PDE8B: variants seen among roughly 807,000 people sequenced by gnomAD.
PDE8B encodes high affinity cAMP-specific and IBMX-insensitive 3',5'-cyclic phosphodiesterase 8B.
PDE8B carries 26 observed loss-of-function variants against 101.3 expected under a neutral mutation model. The ratio of observed to expected loss-of-function variants is 0.26; its 90% CI spans 0.19 to 0.36. PDE8B has a LOEUF of 0.36. Among genes scored for constraint, PDE8B ranks in the 10% least tolerant of loss-of-function variants. PDE8B has a pLI of 1.00. For synonymous variants in PDE8B, 424 were observed against 429.3 expected (o/e 0.99, Z 0.15); for missense variants, 810 against 1,163.1 (o/e 0.70, Z 4.42).
At chr5:77,248,640 G>A (rs564837179) in intron 1 of PDE8B, among the ~76,000 whole-genome samples, 69 of 152,228 alleles carry the variant, frequency 4.5e-4, no homozygotes, top group African/African-American at 1.6e-3. Context: ...TGCAGAATCC[G>A]GCTTGTCTCT....
At chr5:77,209,216 A>AG (rs966807350), upstream of PDE8B, among the ~76,000 whole-genome samples, 8 of 152,314 alleles carry the variant, frequency 5.3e-5, no homozygotes, top group African/African-American at 1.9e-4. Context: ...AGAGAAGCAA[A>AG]GGTAGAAGAA....
chr5:77,096,032 G>A, the PDE8B span, among the ~76,000 whole-genome samples: 11 of 151,832 alleles, frequency 7.2e-5, no homozygotes, highest in Admixed American at 1.3e-4. Flanking sequence ...ACTGTGTTGC[G>A]CAGGCTGGAG....
chr5:77,344,823 G>A (rs1210229485), intron 6 of PDE8B, 30 bp from the exon 7 acceptor site: 2 of 1,360,342 alleles, frequency 1.5e-6, no homozygotes, highest in Non-Finnish European at 2.1e-6. Flanking sequence ...TTTCATAGAA[G>A]AACTAACTTC....
At chr5:77,241,776 T>C (rs1305620023) in intron 1 of PDE8B, among the ~76,000 whole-genome samples, 1 of 152,248 alleles carries the variant, frequency 6.6e-6, no homozygotes, top group East Asian at 1.9e-4. Flanking sequence ...GCTGCATTGA[T>C]TTGCTAAAGA....
chr5:77,232,615 C>T (rs1042992413), intron 1 of PDE8B, among the ~76,000 whole-genome samples: 3 of 152,240 alleles, frequency 2.0e-5, no homozygotes, highest in Non-Finnish European at 4.4e-5. Flanking sequence ...AATATACCAA[C>T]TTGAAATGTT....
At chr5:77,131,656 C>G in the PDE8B span, among the ~76,000 whole-genome samples, 1 of 152,072 alleles carries the variant, frequency 6.6e-6, no homozygotes, top group Non-Finnish European at 1.5e-5. Context: ...CTTCTTTAAG[C>G]AAAAGAATAA....
chr5:77,420,660 C>T, intron 19 of PDE8B, among the ~76,000 whole-genome samples: 1 of 152,256 alleles, frequency 6.6e-6, no homozygotes, highest in Non-Finnish European at 1.5e-5. Context: ...GTCTACCTCA[C>T]CTATTTAAGC....
At chr5:77,290,669 G>A (rs1767094438) in intron 1 of PDE8B, 1 of 1,506,644 alleles carries the variant, frequency 6.6e-7, no homozygotes, top group African/African-American at 1.4e-5. Flanking sequence ...GTTTATCAAG[G>A]ATGATTGGAG....
chr5:77,341,431 A>G (rs923015206), intron 6 of PDE8B, among the ~76,000 whole-genome samples: 2 of 152,252 alleles, frequency 1.3e-5, no homozygotes, highest in Non-Finnish European at 2.9e-5. Flanking sequence ...ATCTAAGATC[A>G]TGTATAAAGG....
rs544688736 is a variant in PDE8B at position 77,408,771 on chromosome 5, C to G, written c.1366-122C>G. ...AGGAAGAAGGGCGGTGCCGTGAAAG[C>G]ACTGGTCATTTTGAATAAGAGATGG... On this transcript the variant is annotated intron_variant, in intron 13 of 21. Coordinates refer to ENST00000264917, the MANE Select transcript of PDE8B (RefSeq NM_003719.5). The G allele has an allele frequency of 3.4e-5, 28 of 814,266 alleles. No homozygotes were observed. In the African/African-American group the frequency reaches 4.7e-4, roughly 14 times the overall value. The allele number at this position is 814,266 out of a possible 1,614,324, so 50.4% of individuals were successfully genotyped here. A position where few individuals can be genotyped will look rare whatever the true frequency, so the allele number is the denominator to read the frequency against.
intron 2 of PDE8B, among the ~76,000 whole-genome samples, chr5:77,325,336 T>A (rs1199769004): frequency 6.6e-6 from 1 of 152,094 alleles, no homozygotes; most frequent in Non-Finnish European, 1.5e-5. Context: ...CCTGGCTAAT[T>A]TTTTTGTATT....
rs35776739 is a variant in PDE8B at position 77,335,532 on chromosome 5, GGTGTGT to G, written c.709-1667_709-1662del. 1.8e-3 allele frequency among the ~76,000 whole-genome samples: 263 copies of G among 145,676 alleles called. 2 individuals carry two copies. Among genetic ancestry groups the G allele is most frequent in the African/African-American group, 6.4e-3 (251 of 39,126 alleles). On this transcript the variant is annotated intron_variant, in intron 5 of 21. Coordinates refer to ENST00000264917, the MANE Select transcript of PDE8B (RefSeq NM_003719.5). The stretch of plus-strand genomic sequence containing the variant: ...GCCAACCACTCCAGTGTATATGTGG[GGTGTGT>G]GTGTGTGTGTGTGTGTGTGTGTGTG...
chr5:77,357,336 C>T (rs1050623314), intron 10 of PDE8B, among the ~76,000 whole-genome samples: 26 of 152,196 alleles, frequency 1.7e-4, no homozygotes, highest in Non-Finnish European at 3.4e-4. Context: ...AGAGACCACA[C>T]ATGCTTAGAA....
At chr5:77,291,872 T>A (rs1054267453) in intron 1 of PDE8B, 230 of 1,398,630 alleles carry the variant, frequency 1.6e-4, no homozygotes, top group Middle Eastern at 4.9e-4. Flanking sequence ...ACAAAGAAAA[T>A]TAAAGTTTTC....
rs193020652 is a variant in PDE8B, at chr5:77,252,588, C to T, written c.339+41324C>T. 9.2e-4 allele frequency among the ~76,000 whole-genome samples: 140 copies of T among 152,236 alleles called. 2 individuals carry two copies. Among genetic ancestry groups the T allele is most frequent in the Admixed American group, 9.1e-3 (139 of 15,282 alleles). On this transcript the variant is annotated intron_variant, in intron 1 of 21. Transcript: ENST00000264917. ...GACTTTGATACAAGAAGATTGGTTG[C>T]CCTATTATGTCTGTTGCTGTTTGTT...
At chr5:77,297,390 T>C (rs1580865260) in intron 1 of PDE8B, among the ~76,000 whole-genome samples, 1 of 152,196 alleles carries the variant, frequency 6.6e-6, no homozygotes, top group Admixed American at 6.5e-5. Flanking sequence ...TCCCAAACTT[T>C]AGCAAGCATC....
rs538390019 is a variant in PDE8B at position 77,316,243 on chromosome 5, A to G, written c.399+4190A>G. On this transcript the variant is annotated intron_variant, in intron 2 of 21. Coordinates refer to ENST00000264917, the MANE Select transcript of PDE8B (RefSeq NM_003719.5). ...TGGTTACCCTGAAATTATTATTACT[A>G]TTATTATTGAGACAAAGTCTTGTTC... 7.9e-5 allele frequency among the ~76,000 whole-genome samples: 12 copies of G among 152,048 alleles called. No individual in the cohort carries two copies. In the East Asian group the frequency reaches 2.1e-3, roughly 27 times the overall value.
chr5:77,152,317 G>A, the PDE8B span, among the ~76,000 whole-genome samples: 1 of 152,214 alleles, frequency 6.6e-6, no homozygotes, highest in Non-Finnish European at 1.5e-5. Flanking sequence ...CCTGACTTGA[G>A]TTCGCAATGA....
the PDE8B span, among the ~76,000 whole-genome samples, chr5:77,188,489 G>A: frequency 6.6e-6 from 1 of 152,132 alleles, no homozygotes; most frequent in Admixed American, 6.5e-5. Context: ...TTTAAGGAAG[G>A]GCATTTTGGA....
Sources: gnomAD v4.1 joint callset for allele counts (sites outside exome capture counted in the v4.1 genomes callset) on GRCh38, gnomAD v4.1.1 for gene constraint, MANE v1.5 for transcripts, NCBI Gene and HGNC (gene_info 2026-07-23, HGNC 2026-07-21) for gene names.